The following AKAP8 variants were observed in gnomAD, a reference collection of about 807,000 sequenced individuals.
AKAP8 encodes the protein A-kinase anchoring protein 8, also known as A-kinase anchor protein 8.
A neutral mutation model predicts 67.5 loss-of-function variants in AKAP8; 24 were observed. The ratio of observed to expected loss-of-function variants is 0.36; its 90% confidence interval spans 0.26 to 0.50. AKAP8 has a LOEUF of 0.50. AKAP8 is among the 20% of genes least tolerant of loss of function. The pLI is 0.97. For synonymous variants in AKAP8, 400 were observed against 371.1 expected (o/e 1.08, Z -0.90); for missense variants, 971 against 955.9 (o/e 1.02, Z -0.21).
chr19:15,355,089 A>G lies in AKAP8; in HGVS notation c.1905T>C (p.His635=). The G allele has an allele frequency of 6.2e-7, 1 of 1,613,898 alleles. No homozygotes were observed. The highest frequency in any genetic ancestry group is 8.5e-7 in the Non-Finnish European group (1 of 1,180,026). Residue 635 remains histidine (H), a synonymous_variant, in exon 14 of 14, where the codon CAT becomes CAC. Coordinates refer to ENST00000269701, the MANE Select transcript of AKAP8 (RefSeq NM_005858.4). ...TTCTGGCCTTGGGGACGCCCTTCTCATGTGCCGTTCCACAGGGCACCTGCT... is the reference window on the plus strand; with the variant it reads ...TTCTGGCCTTGGGGACGCCCTTCTCGTGTGCCGTTCCACAGGGCACCTGCT... The part of the protein sequence containing the change: ...LEEQVPCGTA[H]EKGVPKARSE...
chr19:15,369,016 G>T lies in AKAP8; in HGVS notation c.1073-694C>A, dbSNP rs1003811682. 5.9e-5 allele frequency: 58 copies of T among 985,816 alleles called. No homozygotes were observed. The highest frequency in any genetic ancestry group is 6.7e-5 in the Non-Finnish European group (56 of 830,328). The allele number at this position is 985,816 out of a possible 1,614,324, so 61.1% of individuals were successfully genotyped here. ...CGGCCATCATCCCAGCATGAGGCCA[G>T]GGACGGACGCTGAAAAAAGGTTGGA... On this transcript the variant is annotated intron_variant, in intron 8 of 13. Transcript: ENST00000269701. The surrounding 1 kb of genome is among the most constrained non-coding windows in gnomAD (Gnocchi z 4.6).
At position 15,377,005 on chromosome 19, in the gene AKAP8, G is replaced by A. The variant is rs755984203; in HGVS notation, c.29C>T (p.Ala10Val). 75 of 1,613,144 alleles carry A rather than the reference G, an allele frequency of 4.6e-5. No individual in the cohort carries two copies. In the Admixed American group the frequency reaches 8.2e-4, roughly 18 times the overall value. ...GGTGTTGGCAGGTCCAGCACTCCACGCCCCGTAGCCTGCAAGAAGACCCCG... is the reference window on the plus strand; with the variant it reads ...GGTGTTGGCAGGTCCAGCACTCCACACCCCGTAGCCTGCAAGAAGACCCCG... MDQGYGGYG[A>V]WSAGPANTQG... The change falls in exon 2 of 14, where the codon GCG becomes GTG. Residue 10 changes from alanine (A) to valine (V), a missense_variant. This residue lies in a region of AKAP8 where 763 missense variants were observed against 745.4 expected (regional missense o/e 1.02). Coordinates refer to ENST00000269701, the MANE Select transcript of AKAP8 (RefSeq NM_005858.4).
In AKAP8 at chr19:15,355,140, A is replaced by G; in HGVS notation, c.1854T>C (p.Asp618=). The G allele has an allele frequency of 1.2e-6, 2 of 1,613,248 alleles. No individual in the cohort carries two copies. Among genetic ancestry groups the G allele is most frequent in the Non-Finnish European group, 1.7e-6 (2 of 1,180,020 alleles). The change falls in exon 14 of 14, where the codon GAT becomes GAC. Residue 618 remains aspartate (D), a synonymous_variant. Transcript: ENST00000269701. ...CTTCCAGCAGCTGTTCGGCTTGAGG[A>G]TCACTACCGGCCTCCGCTGTGTCCG... The part of the protein sequence containing the change: ...GPTDTAEAGS[D]PQAEQLLEEQ...
intron 13 of AKAP8, 30 bp downstream of exon 13, chr19:15,358,937 T>C (rs1966920137): frequency 2.5e-6 from 4 of 1,600,778 alleles, no homozygotes; most frequent in Admixed American, 3.3e-5. Flanking sequence ...TTGAAAGCTT[T>C]TCCTGTCTGT....
intron 2 of AKAP8, among the ~76,000 whole-genome samples, chr19:15,376,554 C>A (rs1337646141): frequency 6.6e-6 from 1 of 152,110 alleles, no homozygotes; most frequent in Non-Finnish European, 1.5e-5. Flanking sequence ...CTCAGTACAC[C>A]TGAGTGGAGG....
chr19:15,367,183 T>C (rs1967084761), intron 9 of AKAP8, among the ~76,000 whole-genome samples: 2 of 152,216 alleles, frequency 1.3e-5, no homozygotes, highest in African/African-American at 4.8e-5. Context: ...TGGAATTACA[T>C]GTGTGAGCCA....
intron 12 of AKAP8, among the ~76,000 whole-genome samples, chr19:15,360,074 G>GT (rs1966941244): frequency 1.3e-5 from 2 of 152,030 alleles, no homozygotes; most frequent in African/African-American, 4.8e-5. Context: ...GGCAGAAGTT[G>GT]CAGTGAACTG....
At chr19:15,359,344 C>T (rs1056545317) in intron 12 of AKAP8, among the ~76,000 whole-genome samples, 3 of 152,190 alleles carry the variant, frequency 2.0e-5, no homozygotes, top group African/African-American at 7.2e-5. Context: ...AAATGAAAGG[C>T]TGTGTGGACT....
chr19:15,370,097 G>A, intron 8 of AKAP8, 49 bp downstream of exon 8: 1 of 1,610,612 alleles, frequency 6.2e-7, no homozygotes, highest in South Asian at 1.1e-5. Context: ...GTAAGTGCGG[G>A]GCAGCTGGGA....
intron 8 of AKAP8, chr19:15,368,989 C>G: frequency 7.1e-6 from 7 of 986,066 alleles, no homozygotes; most frequent in Non-Finnish European, 8.4e-6. Context: ...CGGAGAGCCA[C>G]GCGGCCATCA....
Position 15,379,715 on chromosome 19 carries a change from C to T in AKAP8, c.17G>A (p.Gly6Glu), listed in dbSNP as rs1372740114. ...CGCACCCAGCAGCCAACACAAACCT[C>T]CGTAGCCCTGGTCCATGTCTTCGAC... MDQGY[G>E]GYGAWSAGPA... Residue 6 changes from glycine to glutamate, a missense_variant and splice_region_variant, in exon 1 of 14, where the codon GGA becomes GAA. Physicochemically the swap from Gly to Glu is moderately conservative, Grantham distance 98 (BLOSUM62 -2). This residue lies in a region of AKAP8 where 763 missense variants were observed against 745.4 expected (regional missense o/e 1.02). Coordinates refer to ENST00000269701, the MANE Select transcript of AKAP8 (RefSeq NM_005858.4). 6 of 1,611,476 alleles carry T rather than the reference C, an allele frequency of 3.7e-6. No homozygotes were observed. Among genetic ancestry groups the T allele is most frequent in the Non-Finnish European group, 5.1e-6 (6 of 1,179,126 alleles).
At chr19:15,368,390 T>TC in intron 8 of AKAP8, 68 bp from the exon 9 acceptor site, 1 of 1,606,886 alleles carries the variant, frequency 6.2e-7, no homozygotes, top group Non-Finnish European at 8.5e-7. Context: ...CAGGGCCTGG[T>TC]CGGGGGGCTG....
rs1967114832 is a variant in AKAP8, at chr19:15,369,165, C to A, written c.1073-843G>T. 1.0e-6 allele frequency: 1 copy of A among 985,412 alleles called. No homozygotes were observed. The highest frequency in any genetic ancestry group is 4.7e-5 in the South Asian group (1 of 21,294). 61.0% of individuals were successfully genotyped at this position (985,412 alleles called of 1,614,324 possible). On this transcript the variant is annotated intron_variant, in intron 8 of 13. Transcript: ENST00000269701. The surrounding 1 kb of genome is among the most constrained non-coding windows in gnomAD (Gnocchi z 4.6). ...GCGTGTGGGATTTTTGGCAAGAGGT[C>A]ACTGCCTGAAACTATGACTGCTGTT... is the stretch of plus-strand genomic sequence containing the variant.
At chr19:15,359,161 T>G in intron 12 of AKAP8, 99 bp from the exon 13 acceptor site, 1 of 1,080,430 alleles carries the variant, frequency 9.3e-7, no homozygotes, top group Non-Finnish European at 1.4e-6. Context: ...ATCAGCCCTA[T>G]GCAGAGAAGC....
rs1046135872 is a variant in AKAP8, at chr19:15,356,353, C to T, written c.1624-983G>A. Among the ~76,000 whole-genome samples the T allele has an allele frequency of 2.6e-5, 4 of 151,886 alleles. No homozygotes were observed. The East Asian group carries it at 5.8e-4, about 22-fold the overall frequency. ...CTGGGAGGCGGAGCTTGCAGTAAGT[C>T]GAGATCACGCCACTGAACTCCAGCC... On this transcript the variant is annotated intron_variant, in intron 13 of 13. Transcript: ENST00000269701.
chr19:15,363,117 C>A (rs1967002054), intron 9 of AKAP8, among the ~76,000 whole-genome samples: 1 of 151,362 alleles, frequency 6.6e-6, no homozygotes, highest in African/African-American at 2.4e-5. Context: ...AGCCCCTCCG[C>A]CCGGCAGCCG....
At chr19:15,373,641 C>G (rs947965206) in intron 4 of AKAP8, 145 bp downstream of exon 4, 54 of 1,096,904 alleles carry the variant, frequency 4.9e-5, no homozygotes, top group African/African-American at 6.3e-5. Flanking sequence ...TGTAACATCA[C>G]TGACCCCCCA....
Position 15,362,370 on chromosome 19 carries a change from CCCCTCT to C in AKAP8, c.1161-125_1161-120del, listed in dbSNP as rs1321080394. 2.5e-5 allele frequency: 20 copies of C among 790,010 alleles called. 1 individual carries two copies. The highest frequency in any genetic ancestry group is 3.4e-5 in the Non-Finnish European group (19 of 565,790). 48.9% of individuals were successfully genotyped at this position (790,010 alleles called of 1,614,324 possible). On this transcript the variant is annotated intron_variant, in intron 9 of 13. Coordinates refer to ENST00000269701, the MANE Select transcript of AKAP8 (RefSeq NM_005858.4). Reference sequence around the variant, plus strand: ...AACAGGATTTTCAGCTCTCCCCCTCCCCCTCTCCCTCTCCCCACGGTCTCCCTCTGA... The same window carrying C: ...AACAGGATTTTCAGCTCTCCCCCTCCCCCTCTCCCCACGGTCTCCCTCTGA...
intron 13 of AKAP8, 142 bp downstream of exon 13, chr19:15,358,825 G>A: frequency 1.3e-6 from 1 of 752,940 alleles, no homozygotes; most frequent in Non-Finnish European, 2.3e-6. Context: ...TCATGTTCCT[G>A]AGCTTGATGC....
Sources: allele counts gnomAD v4.1 joint callset (sites outside exome capture counted in the v4.1 genomes callset), GRCh38; gene constraint gnomAD v4.1.1; regional missense constraint gnomAD v4.1.1; non-coding constraint Gnocchi (gnomAD v3.1); transcripts MANE v1.5; gene names NCBI Gene and HGNC (gene_info 2026-07-23, HGNC 2026-07-21).